Variants in SH3KBP1 observed in about 807,000 individuals in gnomAD.
SH3KBP1 encodes the protein SH3 domain-containing kinase-binding protein 1.
SH3KBP1 carries 8 observed loss-of-function variants against 50.1 expected under a neutral mutation model. The ratio of observed to expected loss-of-function variants is 0.16; its 90% CI spans 0.09 to 0.29. SH3KBP1 has a LOEUF of 0.29. Ranked by LOEUF, SH3KBP1 falls within the 10% of genes least tolerant of loss-of-function variation. SH3KBP1 has a pLI of 1.00. For synonymous variants in SH3KBP1, 227 were observed against 218.6 expected, an observed-to-expected ratio of 1.04 and a Z score of -0.34; for missense variants, 377 against 535.2, an observed-to-expected ratio of 0.70 and a Z score of 2.92.
At chrX:19,820,640 GT>G (rs537818553) in intron 2 of SH3KBP1, among the ~76,000 whole-genome samples, 82 of 103,840 alleles carry the variant, frequency 7.9e-4, no homozygotes, top group African/African-American at 2.4e-3. Flanking sequence ...GTTGAGTCAA[GT>G]TTTTTTTTTT....
chrX:19,604,861 T>G (rs2067195459), intron 9 of SH3KBP1, among the ~76,000 whole-genome samples: 1 of 112,347 alleles, frequency 8.9e-6, no homozygotes, highest in Non-Finnish European at 1.9e-5. Context: ...ATACAATCAC[T>G]TTTCAGCTAT....
chrX:19,592,003 C>T lies in SH3KBP1; in HGVS notation c.1138+64G>A, dbSNP rs955558255. The stretch of plus-strand genomic sequence containing the variant: ...AAATTCTGTGGGTATTCTGGACTAG[C>T]CGTGTAACAGACAGCTTCAGCTCCT... On this transcript the variant is annotated intron_variant, in intron 11 of 17. Transcript: ENST00000397821. 12 of 898,092 alleles carry T rather than the reference C, an allele frequency of 1.3e-5. No homozygotes were observed. In the African/African-American group the frequency reaches 1.8e-4, roughly 13 times the overall value. 74.0% of individuals were successfully genotyped at this position (898,092 alleles called of 1,213,427 possible). A position where few individuals can be genotyped will look rare whatever the true frequency, so the allele number is the denominator to read the frequency against.
intron 5 of SH3KBP1, among the ~76,000 whole-genome samples, chrX:19,685,257 T>G (rs908038253): frequency 8.9e-6 from 1 of 112,282 alleles, no homozygotes; most frequent in African/African-American, 3.2e-5. Context: ...ACATAAAATC[T>G]CATAAAATGT....
intron 2 of SH3KBP1, among the ~76,000 whole-genome samples, chrX:19,767,019 A>T (rs1452882516): frequency 8.9e-6 from 1 of 111,743 alleles, no homozygotes; most frequent in African/African-American, 3.3e-5. Context: ...TATCCTTAAA[A>T]TGAGAATAGT....
chrX:19,843,669 T>C (rs930014413), intron 1 of SH3KBP1, among the ~76,000 whole-genome samples: 2 of 110,856 alleles, frequency 1.8e-5, no homozygotes, highest in Non-Finnish European at 1.9e-5. Flanking sequence ...GCCTGAACTC[T>C]CTCCCTGGGC....
At position 19,674,584 on chromosome X, in the gene SH3KBP1, A is replaced by G. The variant is rs1454183603; in HGVS notation, c.726+9239T>C. 3.6e-5 allele frequency among the ~76,000 whole-genome samples: 4 copies of G among 112,272 alleles called. No homozygotes were observed. The East Asian group carries it at 1.1e-3, about 31-fold the overall frequency. On this transcript the variant is annotated intron_variant, in intron 6 of 17. Transcript: ENST00000397821. ...AACAGTATCTTCATTCATCCAGTCC[A>G]CAAATATTTACTGAGGGCCAACTAT...
At chrX:19,856,592 T>C (rs188323934) in intron 1 of SH3KBP1, among the ~76,000 whole-genome samples, 1 of 111,208 alleles carries the variant, frequency 9.0e-6, no homozygotes, top group African/African-American at 3.3e-5. Flanking sequence ...TCACACTCAG[T>C]TAAAGTTTCA....
At chrX:19,727,592 T>A (rs750144401) in intron 3 of SH3KBP1, among the ~76,000 whole-genome samples, 32 of 112,902 alleles carry the variant, frequency 2.8e-4, no homozygotes, top group Non-Finnish European at 4.9e-4. Context: ...ATAATGCTGC[T>A]CTGAATGTGG....
At chrX:19,881,432 C>G (rs1243059412) in intron 1 of SH3KBP1, among the ~76,000 whole-genome samples, 3 of 111,983 alleles carry the variant, frequency 2.7e-5, no homozygotes, top group African/African-American at 9.8e-5. Context: ...GCAGGCATTA[C>G]AGAGGAGAAA....
intron 2 of SH3KBP1, among the ~76,000 whole-genome samples, chrX:19,787,942 A>G (rs2066400275): frequency 9.0e-6 from 1 of 111,533 alleles, no homozygotes; most frequent in South Asian, 3.7e-4. Context: ...GGGTTCCAAT[A>G]TAATTGGTGT....
At chrX:19,665,417 A>G (rs959409266) in intron 6 of SH3KBP1, among the ~76,000 whole-genome samples, 1 of 112,217 alleles carries the variant, frequency 8.9e-6, no homozygotes, top group African/African-American at 3.2e-5. Context: ...GGGCATTCGT[A>G]AAATGGCTTG....
intron 1 of SH3KBP1, among the ~76,000 whole-genome samples, chrX:19,872,833 TCACACACA>T (rs774471891): frequency 7.8e-4 from 75 of 96,502 alleles, no homozygotes; most frequent in African/African-American, 2.8e-3. Context: ...TCTCTCTCTC[TCACACACA>T]CACACACACA....
rs772378347 is a variant in SH3KBP1 at position 19,608,057 on chromosome X, G to C, written c.898-12C>G. The C allele has an allele frequency of 3.4e-6, 4 of 1,188,860 alleles. No homozygotes were observed. The highest frequency in any genetic ancestry group is 4.6e-6 in the Non-Finnish European group (4 of 877,371). On this transcript the variant is annotated splice_polypyrimidine_tract_variant and intron_variant, in intron 8 of 17. Coordinates refer to ENST00000397821, the MANE Select transcript of SH3KBP1 (RefSeq NM_031892.3). Reference sequence around the variant, plus strand: ...ACGTCGATGCAGTCCTAGAAAACAGGAGAACAGAGAGTGAGAGATGGGGGC... The same window carrying C: ...ACGTCGATGCAGTCCTAGAAAACAGCAGAACAGAGAGTGAGAGATGGGGGC...
chrX:19,727,576 T>C (rs764331705), intron 3 of SH3KBP1, among the ~76,000 whole-genome samples: 2 of 113,094 alleles, frequency 1.8e-5, no homozygotes, highest in East Asian at 2.8e-4. Flanking sequence ...CTTTTGCCTA[T>C]TGCGAATAAT....
At chrX:19,605,903 G>C (rs1447381266) in intron 9 of SH3KBP1, among the ~76,000 whole-genome samples, 1 of 112,127 alleles carries the variant, frequency 8.9e-6, no homozygotes, top group East Asian at 2.8e-4. Flanking sequence ...TAAGTTGCTA[G>C]ATTTATTTCT....
intron 9 of SH3KBP1, among the ~76,000 whole-genome samples, chrX:19,602,193 C>T (rs2067112647): frequency 9.0e-6 from 1 of 110,981 alleles, no homozygotes; most frequent in Admixed American, 9.6e-5. Flanking sequence ...CTTCCCCCTG[C>T]CCCTCCCTTC....
At chrX:19,707,467 T>C (rs2051779038) in intron 3 of SH3KBP1, among the ~76,000 whole-genome samples, 1 of 111,826 alleles carries the variant, frequency 8.9e-6, no homozygotes, top group Non-Finnish European at 1.9e-5. Context: ...CCTTTCAACA[T>C]ACGGGAACTC....
In SH3KBP1 at chrX:19,645,448, T is replaced by G; in HGVS notation, c.754A>C (p.Thr252Pro). ...GTTTTTGATGAGTCTGGAGTTGCTGTAGTTGCAGGTAACTTCTTCCCAATA... is the reference window on the plus strand; with the variant it reads ...GTTTTTGATGAGTCTGGAGTTGCTGGAGTTGCAGGTAACTTCTTCCCAATA... Reference protein sequence around the residue: ...KTIGKKLPATTATPDSSKTEM... With the variant: ...KTIGKKLPATPATPDSSKTEM... The change falls in exon 7 of 18, where the codon ACA becomes CCA. Residue 252 changes from threonine to proline, a missense_variant. By Grantham distance (38) the Thr-to-Pro change is conservative (BLOSUM62 -1). Around this residue, in one of 3 missense-constraint regions of SH3KBP1, gnomAD observed 257 missense variants for 374.2 expected, o/e 0.69. Coordinates refer to ENST00000397821, the MANE Select transcript of SH3KBP1 (RefSeq NM_031892.3). 1 of 1,203,570 alleles carries G rather than the reference T, an allele frequency of 8.3e-7. No individual in the cohort carries two copies.
At chrX:19,616,913 C>T (rs2067633105) in intron 8 of SH3KBP1, among the ~76,000 whole-genome samples, 1 of 111,567 alleles carries the variant, frequency 9.0e-6, no homozygotes, top group Non-Finnish European at 1.9e-5. Flanking sequence ...GCTCACAGCC[C>T]CTCCAAGTTC....
Sources: gnomAD v4.1 joint callset for allele counts (sites outside exome capture counted in the v4.1 genomes callset) on GRCh38, gnomAD v4.1.1 for gene constraint, gnomAD v4.1.1 regional missense constraint, MANE v1.5 for transcripts, NCBI Gene and HGNC (gene_info 2026-07-23, HGNC 2026-07-21) for gene names.